SUCLA2: variants seen among roughly 807,000 people sequenced by gnomAD.
SUCLA2 encodes succinate-CoA ligase ADP-forming subunit beta.
In SUCLA2, 30 loss-of-function variants were observed where a neutral mutation model predicts 54.8. That is an observed-to-expected ratio of 0.55 (90% CI 0.41 to 0.74). The LOEUF is 0.74. Ranked by LOEUF, SUCLA2 falls within the 30% of genes least tolerant of loss-of-function variation. The pLI is 0.00. For synonymous variants in SUCLA2, 172 were observed against 188.9 expected (o/e 0.91, Z 0.74); for missense variants, 476 against 562.9 (o/e 0.85, Z 1.56).
intron 4 of SUCLA2, among the ~76,000 whole-genome samples, chr13:47,986,401 C>T (rs1950105184): frequency 6.6e-6 from 1 of 151,922 alleles, no homozygotes. Flanking sequence ...TGCTTTTTTT[C>T]TTGAAAATTT....
At chr13:47,973,485 G>GC (rs1949984820) in intron 4 of SUCLA2, 93 bp from the exon 5 acceptor site, 1 of 1,409,404 alleles carries the variant, frequency 7.1e-7, no homozygotes, top group South Asian at 1.2e-5. Flanking sequence ...TCAGATGTAA[G>GC]CATCTATTAC....
At chr13:47,986,462 G>C (rs1256797219) in intron 4 of SUCLA2, among the ~76,000 whole-genome samples, 1 of 152,188 alleles carries the variant, frequency 6.6e-6, no homozygotes, top group Non-Finnish European at 1.5e-5. Flanking sequence ...CGGAAGGATA[G>C]ATTGCAAAAA....
intron 2 of SUCLA2, among the ~76,000 whole-genome samples, chr13:47,991,254 ACCCTCTACACTTTTTATCTCCTAGG>A (rs1950147200): frequency 1.3e-5 from 2 of 152,168 alleles, no homozygotes; most frequent in East Asian, 3.9e-4. Context: ...ACCTTATAAT[ACCCTCTACACTTTTTATCTCCTAGG>A]CCCTCCTGGT....
chr13:47,944,854 G>A (rs930280563), intron 10 of SUCLA2, among the ~76,000 whole-genome samples: 3 of 152,104 alleles, frequency 2.0e-5, no homozygotes, highest in African/African-American at 7.2e-5. Flanking sequence ...CAAGCCTGGG[G>A]GCTCATGCTT....
intron 6 of SUCLA2, among the ~76,000 whole-genome samples, chr13:47,968,046 A>G (rs577015721): frequency 1.3e-5 from 2 of 152,328 alleles, no homozygotes; most frequent in South Asian, 4.1e-4. Flanking sequence ...TATTAAGTGA[A>G]TAAAGAAAGA....
At chr13:47,957,526 C>T (rs1163399789) in intron 6 of SUCLA2, among the ~76,000 whole-genome samples, 1 of 152,150 alleles carries the variant, frequency 6.6e-6, no homozygotes, top group Non-Finnish European at 1.5e-5. Context: ...CAACCACATT[C>T]CTGATTGCCT....
At chr13:47,948,413 TCTCC>T in intron 10 of SUCLA2, among the ~76,000 whole-genome samples, 1 of 151,864 alleles carries the variant, frequency 6.6e-6, no homozygotes, top group Middle Eastern at 3.4e-3. Context: ...GAAGATAGGG[TCTCC>T]CTATGTTGCC....
intron 4 of SUCLA2, 30 bp downstream of exon 4, chr13:47,988,511 C>T (rs769565917): frequency 1.2e-6 from 2 of 1,609,648 alleles, no homozygotes; most frequent in Admixed American, 1.7e-5. Flanking sequence ...ATAAATTTAT[C>T]CCGTATGTAT....
chr13:47,965,624 G>A, intron 6 of SUCLA2: 1 of 398,318 alleles, frequency 2.5e-6, no homozygotes, highest in South Asian at 1.3e-4. Flanking sequence ...TCAATTCAAT[G>A]TGTGATCCTG....
At chr13:47,963,065 GA>G (rs1207899951) in intron 6 of SUCLA2, among the ~76,000 whole-genome samples, 3 of 148,598 alleles carry the variant, frequency 2.0e-5, no homozygotes, top group Admixed American at 6.7e-5. Flanking sequence ...GTCAGTCAGG[GA>G]GATAGATTTG....
Position 48,001,261 on chromosome 13 carries a change from G to A in SUCLA2, c.9C>T (p.Ala3=), listed in dbSNP as rs138270687. The change falls in exon 1 of 11, where the codon GCC becomes GCT. Residue 3 remains alanine, a synonymous_variant. Transcript: ENST00000646932. ...CCACTAGCCTGCCGTAGAACATGGA[G>A]GCCGCCATTTCTGAGTCGGACCCCG... is the stretch of plus-strand genomic sequence containing the variant. MA[A]SMFYGRLVAV... The A allele has an allele frequency of 8.4e-5, 134 of 1,602,190 alleles. No homozygotes were observed. Among genetic ancestry groups the A allele is most frequent in the African/African-American group, 1.7e-4 (13 of 74,736 alleles).
At chr13:47,981,808 G>C (rs1169305261) in intron 4 of SUCLA2, among the ~76,000 whole-genome samples, 1 of 152,070 alleles carries the variant, frequency 6.6e-6, no homozygotes, top group Non-Finnish European at 1.5e-5. Context: ...ACGAGACTCC[G>C]TCTCAAAAAA....
At chr13:47,989,035 T>C (rs945276384) in intron 2 of SUCLA2, 54 bp from the exon 3 acceptor site, 167 of 1,522,868 alleles carry the variant, frequency 1.1e-4, no homozygotes, top group Non-Finnish European at 1.3e-4. Context: ...ATGCCAGACA[T>C]AGTATTTTGT....
intron 2 of SUCLA2, 126 bp downstream of exon 2, chr13:47,996,717 A>G (rs1175167535): frequency 1.2e-6 from 1 of 819,964 alleles, no homozygotes; most frequent in African/African-American, 1.7e-5. Context: ...TCTACCTTCT[A>G]TTTTAAGCAA....
chr13:47,983,820 A>T (rs1357021419), intron 4 of SUCLA2, among the ~76,000 whole-genome samples: 1 of 152,086 alleles, frequency 6.6e-6, no homozygotes, highest in Non-Finnish European at 1.5e-5. Flanking sequence ...CTCTTTTTAT[A>T]CCAACTGGTA....
intron 10 of SUCLA2, among the ~76,000 whole-genome samples, chr13:47,944,010 C>G (rs1045352234): frequency 2.0e-5 from 3 of 151,944 alleles, no homozygotes. Flanking sequence ...AAAATATCCA[C>G]CAGTTACCAT....
intron 2 of SUCLA2, among the ~76,000 whole-genome samples, chr13:47,995,194 A>C (rs1048824204): frequency 1.3e-5 from 2 of 152,160 alleles, no homozygotes; most frequent in Non-Finnish European, 2.9e-5. Flanking sequence ...CTCTAAAAAA[A>C]ATTTTTTTTT....
At chr13:47,971,600 AG>A in intron 5 of SUCLA2, 1 of 40,064 alleles carries the variant, frequency 2.5e-5, no homozygotes, top group Non-Finnish European at 6.3e-5. Context: ...AGGACAATAG[AG>A]AAAACCAGTA....
chr13:47,950,518 C>A (rs1269124456), intron 8 of SUCLA2, among the ~76,000 whole-genome samples: 1 of 152,136 alleles, frequency 6.6e-6, no homozygotes, highest in Non-Finnish European at 1.5e-5. Flanking sequence ...CCCTAAGAAT[C>A]ACCCAGCTTC....
Sources: allele counts gnomAD v4.1 joint callset (sites outside exome capture counted in the v4.1 genomes callset), GRCh38; gene constraint gnomAD v4.1.1; transcripts MANE v1.5; gene names NCBI Gene and HGNC (gene_info 2026-07-23, HGNC 2026-07-21).